Variants in FGF1 observed in about 807,000 individuals in gnomAD.
FGF1 encodes the protein beta-endothelial cell growth factor.
FGF1 carries 9 observed loss-of-function variants against 13.4 expected under a neutral mutation model. The ratio of observed to expected loss-of-function variants is 0.67; its 90% CI spans 0.40 to 1.17. The LOEUF is 1.17. Among genes scored for constraint, FGF1 ranks in the 50% most tolerant of loss-of-function variants. The pLI is 0.01. For synonymous variants in FGF1, 93 were observed against 79.0 expected, an observed-to-expected ratio of 1.18 and a Z score of -0.94; for missense variants, 156 against 192.7, an observed-to-expected ratio of 0.81 and a Z score of 1.13.
At chr5:142,694,864 C>T (rs141907920) in intron 2 of FGF1, among the ~76,000 whole-genome samples, 1 of 151,714 alleles carries the variant, frequency 6.6e-6, no homozygotes, top group East Asian at 1.9e-4. Context: ...AGTGACCCCT[C>T]ACCCCTGGGT....
chr5:142,687,318 G>T (rs1333784126), upstream of FGF1, among the ~76,000 whole-genome samples: 1 of 152,220 alleles, frequency 6.6e-6, no homozygotes. Flanking sequence ...GAGCATGGGG[G>T]TGTGGGGAAG....
Position 142,618,986 on chromosome 5 carries a change from T to G in FGF1, c.-34-4825A>C, listed in dbSNP as rs375053315. Among the ~76,000 whole-genome samples, 128 of 140,364 alleles carry G rather than the reference T, an allele frequency of 9.1e-4. No homozygotes were observed. In the East Asian group the frequency reaches 0.015, roughly 16 times the overall value. The allele number at this position is 140,364 out of a possible 152,430, so 92.1% of individuals were successfully genotyped here. A position where few individuals can be genotyped will look rare whatever the true frequency, so the allele number is the denominator to read the frequency against. ...GTCCCGCTCTTTAGCCCAGGCCGGA[T>G]TGCAGTGGCACAATCTCGGCTCACT... On this transcript the variant is annotated intron_variant, in intron 1 of 3. Transcript: ENST00000337706.
At chr5:142,600,637 G>GT in intron 3 of FGF1, 65 bp downstream of exon 3, 1 of 1,139,342 alleles carries the variant, frequency 8.8e-7, no homozygotes. Context: ...CTCACTCCAT[G>GT]TAACAAGATT....
chr5:142,686,929 G>T (rs1308617681), upstream of FGF1, among the ~76,000 whole-genome samples: 1 of 152,192 alleles, frequency 6.6e-6, no homozygotes, highest in South Asian at 2.1e-4. Context: ...GGCCAGGACA[G>T]GGTAAGGAAG....
At chr5:142,641,297 G>C (rs1765166360) in intron 1 of FGF1, among the ~76,000 whole-genome samples, 1 of 152,064 alleles carries the variant, frequency 6.6e-6, no homozygotes, top group Non-Finnish European at 1.5e-5. Flanking sequence ...GTCCTTGTTT[G>C]ATCTGAGATT....
chr5:142,677,434 A>C (rs1346517631), intron 1 of FGF1, among the ~76,000 whole-genome samples: 1 of 152,228 alleles, frequency 6.6e-6, no homozygotes, highest in Non-Finnish European at 1.5e-5. Flanking sequence ...CTAAGCATGA[A>C]TAATACCACT....
chr5:142,621,621 G>T (rs1223086384), intron 1 of FGF1, among the ~76,000 whole-genome samples: 2 of 151,994 alleles, frequency 1.3e-5, no homozygotes, highest in Non-Finnish European at 2.9e-5. Context: ...TCACTGCAGC[G>T]CTGGGTGTAA....
At chr5:142,627,409 G>T (rs561709705) in intron 1 of FGF1, among the ~76,000 whole-genome samples, 55 of 152,172 alleles carry the variant, frequency 3.6e-4, no homozygotes, top group African/African-American at 1.3e-3. Flanking sequence ...CATTTCCAAG[G>T]GGCCCAGCCT....
Position 142,607,944 on chromosome 5 carries a change from T to C in FGF1, c.169+6015A>G, listed in dbSNP as rs188151579. ...GGAACTAAGTTTGTAGCTTTGGTTT[T>C]CTCCTCTGCTCCCCAAAGCCTTCCA... is the stretch of plus-strand genomic sequence containing the variant. On this transcript the variant is annotated intron_variant, in intron 2 of 3. Coordinates refer to ENST00000337706, the MANE Select transcript of FGF1 (RefSeq NM_000800.5). Among the ~76,000 whole-genome samples the C allele has an allele frequency of 1.3e-4, 20 of 152,306 alleles. No individual in the cohort carries two copies. The East Asian group carries it at 3.7e-3, about 28-fold the overall frequency.
chr5:142,605,089 GT>G (rs1022162946), intron 2 of FGF1, among the ~76,000 whole-genome samples: 3 of 151,800 alleles, frequency 2.0e-5, no homozygotes, highest in African/African-American at 7.2e-5. Flanking sequence ...AATCAAGGAA[GT>G]TTTTTTTGTT....
chr5:142,618,940 T>G (rs1189596276), intron 1 of FGF1, among the ~76,000 whole-genome samples: 4 of 138,124 alleles, frequency 2.9e-5, no homozygotes, highest in Non-Finnish European at 6.2e-5. Context: ...TTTTTTTTTT[T>G]TTTTTTTTTT....
intron 1 of FGF1, among the ~76,000 whole-genome samples, chr5:142,662,138 G>C (rs993636001): frequency 6.6e-6 from 1 of 152,154 alleles, no homozygotes; most frequent in Non-Finnish European, 1.5e-5. Flanking sequence ...CTGAGGGAGG[G>C]GGAAGCGGGG....
chr5:142,618,425 T>C (rs1275056996), intron 1 of FGF1, among the ~76,000 whole-genome samples: 1 of 152,134 alleles, frequency 6.6e-6, no homozygotes, highest in Non-Finnish European at 1.5e-5. Context: ...TCTCACACAG[T>C]TGTCTAAAGG....
chr5:142,611,874 C>T (rs897196810), intron 2 of FGF1, among the ~76,000 whole-genome samples: 2 of 152,146 alleles, frequency 1.3e-5, no homozygotes, highest in African/African-American at 4.8e-5. Flanking sequence ...CCCTGTGTTA[C>T]CATATGCTAG....
chr5:142,661,785 C>A (rs17223276), intron 1 of FGF1, among the ~76,000 whole-genome samples: 1 of 152,058 alleles, frequency 6.6e-6, no homozygotes, highest in Admixed American at 6.6e-5. Flanking sequence ...GGGCAGATCA[C>A]GAGGTCAGGA....
chr5:142,646,821 C>T (rs754428700), intron 1 of FGF1, among the ~76,000 whole-genome samples: 4 of 152,154 alleles, frequency 2.6e-5, no homozygotes, highest in Non-Finnish European at 5.9e-5. Context: ...TGTCTGTGAA[C>T]CTGTGTGCTA....
intron 1 of FGF1, among the ~76,000 whole-genome samples, chr5:142,678,772 G>C (rs1407040159): frequency 6.6e-6 from 1 of 152,224 alleles, no homozygotes; most frequent in Non-Finnish European, 1.5e-5. Flanking sequence ...TGCCAAAGAA[G>C]GGGCTGCCTA....
upstream of FGF1, among the ~76,000 whole-genome samples, chr5:142,688,159 T>C (rs1751561201): frequency 6.6e-6 from 1 of 152,232 alleles, no homozygotes; most frequent in Non-Finnish European, 1.5e-5. Context: ...ATATGCTAAT[T>C]TATCTACTGC....
intron 1 of FGF1, among the ~76,000 whole-genome samples, chr5:142,649,001 G>T (rs1766714077): frequency 6.6e-6 from 1 of 152,052 alleles, no homozygotes; most frequent in Admixed American, 6.5e-5. Flanking sequence ...AGGGGCGAAG[G>T]GACTACTTTT....
Sources: allele counts gnomAD v4.1 joint callset (sites outside exome capture counted in the v4.1 genomes callset), GRCh38; gene constraint gnomAD v4.1.1; transcripts MANE v1.5; gene names NCBI Gene and HGNC (gene_info 2026-07-23, HGNC 2026-07-21).